The following GRK5 variants were observed in gnomAD, a reference collection of about 807,000 sequenced individuals.
The protein encoded by GRK5 is g protein-coupled receptor kinase GRK5.
Under a neutral mutation model 78.4 loss-of-function variants are expected in GRK5, and 40 were observed. That is an observed-to-expected ratio of 0.51 (90% CI 0.40 to 0.66). The LOEUF (loss-of-function observed/expected upper bound fraction) is 0.66. Among genes scored for constraint, GRK5 ranks in the 30% least tolerant of loss-of-function variants. The pLI, the probability that GRK5 is intolerant of heterozygous loss-of-function variation, is 0.00. For missense variants in GRK5, 598 were observed against 759.9 expected (o/e 0.79, Z 2.50); for synonymous variants, 289 against 296.8 (o/e 0.97, Z 0.27).
At position 119,408,163 on chromosome 10, in the gene GRK5, CAAAAA is replaced by C. The variant is rs34029208; in HGVS notation, c.339+11410_339+11414del. Reference sequence around the variant, plus strand: ...AGGCAACAAGAGTGAAACTCCATCTCAAAAAAAAAAAAAAAAAAAAAAATTAATTA... The same window carrying C: ...AGGCAACAAGAGTGAAACTCCATCTCAAAAAAAAAAAAAAAAAATTAATTA... On this transcript the variant is annotated intron_variant, in intron 4 of 15. Transcript: ENST00000392870. Among the ~76,000 whole-genome samples, 374 of 73,936 alleles carry C rather than the reference CAAAAA, an allele frequency of 5.1e-3. 2 individuals are homozygous for C. Among genetic ancestry groups the C allele is most frequent in the African/African-American group, 0.018 (352 of 19,064 alleles). 48.5% of individuals were successfully genotyped at this position (73,936 alleles called of 152,430 possible).
intron 1 of GRK5, among the ~76,000 whole-genome samples, chr10:119,227,276 T>C (rs1381183513): frequency 2.0e-5 from 3 of 152,082 alleles, no homozygotes; most frequent in Admixed American, 6.5e-5. Flanking sequence ...AAAATTTTAG[T>C]ATATAATAGG....
chr10:119,409,998 A>G (rs1852307286), intron 4 of GRK5, among the ~76,000 whole-genome samples: 1 of 152,178 alleles, frequency 6.6e-6, no homozygotes, highest in Admixed American at 6.5e-5. Context: ...GCCAGGAAGA[A>G]TCCCACTCCT....
chr10:119,389,462 G>A (rs1450878539), intron 3 of GRK5, among the ~76,000 whole-genome samples: 1 of 152,216 alleles, frequency 6.6e-6, no homozygotes, highest in Non-Finnish European at 1.5e-5. Flanking sequence ...GACCCCGGGA[G>A]CAGGGCTGTC....
At chr10:119,286,761 G>T (rs1486592168) in intron 1 of GRK5, among the ~76,000 whole-genome samples, 1 of 152,242 alleles carries the variant, frequency 6.6e-6, no homozygotes, top group Non-Finnish European at 1.5e-5. Flanking sequence ...TCCCTTGCCT[G>T]GAGGCAGAGG....
At chr10:119,215,737 T>C (rs1242540756) in intron 1 of GRK5, among the ~76,000 whole-genome samples, 1 of 152,110 alleles carries the variant, frequency 6.6e-6, no homozygotes, top group Non-Finnish European at 1.5e-5. Flanking sequence ...CTGATTCAAA[T>C]TAAGTGCATG....
At chr10:119,282,972 T>C (rs1849787633) in intron 1 of GRK5, among the ~76,000 whole-genome samples, 1 of 152,190 alleles carries the variant, frequency 6.6e-6, no homozygotes, top group Admixed American at 6.5e-5. Context: ...AGTTACTGTG[T>C]CACTGGGGCC....
rs1848406190 is a variant in GRK5, at chr10:119,207,636, A to T, written c.-282A>T. ...GGGAGGAGAATGGAGTGACAGAGACACGCGGAGGGTGGGGGGTGGGGGGGA... is the reference window on the plus strand; with the variant it reads ...GGGAGGAGAATGGAGTGACAGAGACTCGCGGAGGGTGGGGGGTGGGGGGGA... On this transcript the variant is annotated 5_prime_UTR_variant, in exon 1 of 16. Transcript: ENST00000392870. 2.9e-5 allele frequency: 8 copies of T among 271,926 alleles called. No homozygotes were observed. The highest frequency in any genetic ancestry group is 2.2e-4 in the South Asian group (8 of 36,236). The allele number at this position is 271,926 out of a possible 1,614,324, so 16.8% of individuals were successfully genotyped here.
At chr10:119,387,385 C>G (rs1177281886) in intron 3 of GRK5, among the ~76,000 whole-genome samples, 1 of 152,134 alleles carries the variant, frequency 6.6e-6, no homozygotes, top group Non-Finnish European at 1.5e-5. Context: ...AGGTGATTTT[C>G]TGGGCAGCAG....
At chr10:119,403,978 T>C (rs936152950) in intron 4 of GRK5, among the ~76,000 whole-genome samples, 5 of 152,328 alleles carry the variant, frequency 3.3e-5, no homozygotes, top group African/African-American at 1.2e-4. Flanking sequence ...TGTGGAATAA[T>C]AATGCTGTGA....
chr10:119,339,248 C>T lies in GRK5; in HGVS notation c.148+12637C>T, dbSNP rs528144292. Among the ~76,000 whole-genome samples the T allele has an allele frequency of 2.6e-3, 394 of 152,310 alleles. 1 individual carries two copies. The highest frequency in any genetic ancestry group is 3.9e-3 in the Non-Finnish European group (268 of 68,022). ...TCACTGAAAATGGGAAAAACAAGCTCGTTTGTGCGGGGGACCTCAAGCCAA... is the reference window on the plus strand; with the variant it reads ...TCACTGAAAATGGGAAAAACAAGCTTGTTTGTGCGGGGGACCTCAAGCCAA... On this transcript the variant is annotated intron_variant, in intron 2 of 15. Coordinates refer to ENST00000392870, the MANE Select transcript of GRK5 (RefSeq NM_005308.3).
rs1270088111 is a variant in GRK5, at chr10:119,335,174, CT to C, written c.148+8564del. Among the ~76,000 whole-genome samples the C allele has an allele frequency of 1.9e-4, 26 of 137,302 alleles. 1 individual carries two copies. Among genetic ancestry groups the C allele is most frequent in the East Asian group, 4.4e-4 (2 of 4,546 alleles). The allele number at this position is 137,302 out of a possible 152,430, so 90.1% of individuals were successfully genotyped here. A position where few individuals can be genotyped will look rare whatever the true frequency, so the allele number is the denominator to read the frequency against. On this transcript the variant is annotated intron_variant, in intron 2 of 15. Transcript: ENST00000392870. ...TCTCTCTCTCTCTCTCTCTCTCTCT[CT>C]CCCCCTCTCCCTCTCCCCCCACCTC...
chr10:119,396,625 G>A (rs933434971), intron 3 of GRK5, 70 bp from the exon 4 acceptor site: 18 of 1,286,820 alleles, frequency 1.4e-5, no homozygotes, highest in African/African-American at 5.8e-5. Context: ...TCCAGGGGCT[G>A]TGAGGTTCTG....
At chr10:119,283,553 A>T (rs1267041880) in intron 1 of GRK5, among the ~76,000 whole-genome samples, 1 of 152,208 alleles carries the variant, frequency 6.6e-6, no homozygotes, top group Non-Finnish European at 1.5e-5. Flanking sequence ...CGGGCTCTGT[A>T]TTCCCTGGCC....
chr10:119,383,642 G>C (rs113269612), intron 3 of GRK5, among the ~76,000 whole-genome samples: 1 of 152,232 alleles, frequency 6.6e-6, no homozygotes, highest in Non-Finnish European at 1.5e-5. Context: ...AACATGTTGC[G>C]TGTGTATTGT....
intron 2 of GRK5, among the ~76,000 whole-genome samples, chr10:119,329,757 ACCT>A (rs1850737119): frequency 6.7e-6 from 1 of 149,590 alleles, no homozygotes; most frequent in South Asian, 2.1e-4. Context: ...AACAAAAAAA[ACCT>A]CCTTCCCCCT....
chr10:119,212,096 C>G (rs920441610), intron 1 of GRK5, among the ~76,000 whole-genome samples: 2 of 151,964 alleles, frequency 1.3e-5, no homozygotes, highest in Non-Finnish European at 2.9e-5. Context: ...TAAGGCAGCT[C>G]GGTGTGTGTA....
intron 1 of GRK5, among the ~76,000 whole-genome samples, chr10:119,254,926 G>A (rs757326632): frequency 6.6e-6 from 1 of 151,544 alleles, no homozygotes; most frequent in Non-Finnish European, 1.5e-5. Flanking sequence ...ATGTTGGCAG[G>A]TGCCTGTAAT....
At chr10:119,417,698 G>A (rs1852488755) in intron 4 of GRK5, among the ~76,000 whole-genome samples, 1 of 152,284 alleles carries the variant, frequency 6.6e-6, no homozygotes, top group South Asian at 2.1e-4. Flanking sequence ...GACCTACGCG[G>A]CATGATACGG....
chr10:119,396,622 G>A (rs529528633), intron 3 of GRK5, 73 bp from the exon 4 acceptor site: 5 of 1,256,082 alleles, frequency 4.0e-6, no homozygotes, highest in Admixed American at 3.5e-5. Flanking sequence ...TCCTCCAGGG[G>A]CTGTGAGGTT....
Sources: gnomAD v4.1 joint callset for allele counts (sites outside exome capture counted in the v4.1 genomes callset) on GRCh38, gnomAD v4.1.1 for gene constraint, MANE v1.5 for transcripts, NCBI Gene and HGNC (gene_info 2026-07-23, HGNC 2026-07-21) for gene names.